Variants in CNTN3 observed in about 807,000 individuals in gnomAD.
CNTN3 encodes contactin-3.
A neutral mutation model predicts 119.1 loss-of-function variants in CNTN3; 60 were observed. That is an observed-to-expected ratio of 0.50 (90% CI 0.41 to 0.62). The LOEUF (loss-of-function observed/expected upper bound fraction) is 0.62. Among genes scored for constraint, CNTN3 ranks in the 20% least tolerant of loss-of-function variants. The pLI, the probability that CNTN3 is intolerant of heterozygous loss-of-function variation, is 0.00. For synonymous variants in CNTN3, 450 were observed against 438.7 expected (o/e 1.03, Z -0.32); for missense variants, 1,101 against 1,242.4 (o/e 0.89, Z 1.71).
chr3:74,320,952 A>G (rs1702974211), intron 13 of CNTN3, among the ~76,000 whole-genome samples: 1 of 152,128 alleles, frequency 6.6e-6, no homozygotes, highest in South Asian at 2.1e-4. Context: ...TTGAATTGAA[A>G]AAAAAAAAAG....
rs77116506 is a variant in CNTN3 at position 74,584,641 on chromosome 3, G to A, written c.-81+29750C>T. The stretch of plus-strand genomic sequence containing the variant: ...TTTCTTTATGTATTACCCAGACTTG[G>A]GTATTATATTTCCTTCAAAGCAATG... On this transcript the variant is annotated intron_variant, in intron 1 of 22. Coordinates refer to ENST00000263665, the MANE Select transcript of CNTN3 (RefSeq NM_020872.3). Among the ~76,000 whole-genome samples, 132 of 152,068 alleles carry A rather than the reference G, an allele frequency of 8.7e-4. 3 individuals carry two copies. In the East Asian group the frequency reaches 0.024, roughly 28 times the overall value.
In CNTN3 at chr3:74,364,252, T is replaced by C. The variant is rs890602562; in HGVS notation, c.1213+215A>G. Among the ~76,000 whole-genome samples, 3 of 152,112 alleles carry C rather than the reference T, an allele frequency of 2.0e-5. No homozygotes were observed. The South Asian group carries it at 6.2e-4, about 31-fold the overall frequency. On this transcript the variant is annotated intron_variant, in intron 10 of 22. Transcript: ENST00000263665. ...TATTTGATTCCTACTGTCGATTAAC[T>C]TAACCCTTGGTCCTCAATTCTGGCC...
Position 74,334,788 on chromosome 3 carries a change from C to T in CNTN3, c.1615G>A (p.Gly539Arg). The T allele has an allele frequency of 1.2e-6, 2 of 1,613,636 alleles. No individual in the cohort carries two copies. Among genetic ancestry groups the T allele is most frequent in the Non-Finnish European group, 1.7e-6 (2 of 1,179,720 alleles). The change falls in exon 13 of 23, where the codon GGG (glycine) becomes AGG (arginine). Residue 539 changes from glycine to arginine, a missense_variant. By Grantham distance (125) the Gly-to-Arg change is moderately radical (BLOSUM62 -2). Coordinates refer to ENST00000263665, the MANE Select transcript of CNTN3 (RefSeq NM_020872.3). ...TCTTTCTTAAAATCTGCAAGGGCCC[C>T]ATTGAAATACCAGGTAAAGATGATG... ...LDIIFTWYFN[G>R]ALADFKKDGS...
intron 5 of CNTN3, among the ~76,000 whole-genome samples, chr3:74,375,329 C>A (rs1425009324): frequency 6.6e-6 from 1 of 152,108 alleles, no homozygotes; most frequent in East Asian, 1.9e-4. Flanking sequence ...AGGATCTAGA[C>A]ACAAATGTTC....
intron 5 of CNTN3, among the ~76,000 whole-genome samples, chr3:74,398,744 C>G (rs528592146): frequency 6.6e-6 from 1 of 152,246 alleles, no homozygotes; most frequent in Non-Finnish European, 1.5e-5. Context: ...TACTATTAGC[C>G]AGGCCTTAAA....
At chr3:74,449,839 T>C (rs1385511036) in intron 4 of CNTN3, among the ~76,000 whole-genome samples, 1 of 152,104 alleles carries the variant, frequency 6.6e-6, no homozygotes, top group Non-Finnish European at 1.5e-5. Flanking sequence ...CACAGAAACT[T>C]TGCATTCACA....
chr3:74,291,983 G>A (rs554845803), intron 19 of CNTN3, among the ~76,000 whole-genome samples: 1 of 152,198 alleles, frequency 6.6e-6, no homozygotes, highest in East Asian at 1.9e-4. Context: ...GTCTGCCAAT[G>A]TCATTGGAAA....
chr3:74,571,158 C>T (rs1704327141), intron 1 of CNTN3, among the ~76,000 whole-genome samples: 1 of 152,158 alleles, frequency 6.6e-6, no homozygotes, highest in African/African-American at 2.4e-5. Context: ...CCCTAGGTTG[C>T]AGTACAAGTA....
intron 5 of CNTN3, among the ~76,000 whole-genome samples, chr3:74,395,488 T>C (rs1325147116): frequency 1.3e-5 from 2 of 152,104 alleles, no homozygotes; most frequent in African/African-American, 4.8e-5. Flanking sequence ...TTTACGATAG[T>C]GGCTAGTATT....
chr3:74,368,253 A>G (rs1447096895), intron 8 of CNTN3, among the ~76,000 whole-genome samples: 1 of 152,124 alleles, frequency 6.6e-6, no homozygotes, highest in African/African-American at 2.4e-5. Flanking sequence ...AAGACCTACA[A>G]TTTTAGTATT....
intron 1 of CNTN3, among the ~76,000 whole-genome samples, chr3:74,528,418 C>A (rs1421734549): frequency 2.0e-5 from 3 of 151,756 alleles, no homozygotes; most frequent in Non-Finnish European, 2.9e-5. Context: ...CATTATGTGC[C>A]AGGCACATTT....
At chr3:74,411,461 T>A (rs936038106) in intron 5 of CNTN3, among the ~76,000 whole-genome samples, 3 of 152,168 alleles carry the variant, frequency 2.0e-5, no homozygotes, top group African/African-American at 7.2e-5. Flanking sequence ...AAATGTTGCA[T>A]GCTGGATTAT....
At chr3:74,396,816 G>C (rs998272312) in intron 5 of CNTN3, among the ~76,000 whole-genome samples, 1 of 151,144 alleles carries the variant, frequency 6.6e-6, no homozygotes, top group Admixed American at 6.6e-5. Context: ...AGCTAGCAGA[G>C]GTTTATGAGG....
intron 5 of CNTN3, among the ~76,000 whole-genome samples, chr3:74,412,286 GGC>G (rs1447441366): frequency 1.3e-5 from 2 of 152,132 alleles, no homozygotes; most frequent in Non-Finnish European, 2.9e-5. Context: ...TCACTTTGGG[GGC>G]ATAAAACATT....
intron 5 of CNTN3, among the ~76,000 whole-genome samples, chr3:74,390,369 CTTTT>C (rs34399433): frequency 8.1e-6 from 1 of 123,276 alleles, no homozygotes; most frequent in Admixed American, 8.1e-5. Flanking sequence ...TGAGAGTATG[CTTTT>C]TTTTTTTTTT....
intron 1 of CNTN3, among the ~76,000 whole-genome samples, chr3:74,612,747 A>C (rs2106721240): frequency 6.6e-6 from 1 of 152,262 alleles, no homozygotes; most frequent in Non-Finnish European, 1.5e-5. Context: ...TTTACTCTCA[A>C]CTAATTTCAA....
intron 2 of CNTN3, among the ~76,000 whole-genome samples, chr3:74,502,789 T>C (rs1703188234): frequency 6.6e-6 from 1 of 152,110 alleles, no homozygotes; most frequent in South Asian, 2.1e-4. Flanking sequence ...CCAAAGTCAT[T>C]ATACACCCTT....
chr3:74,408,631 A>G (rs1471076865), intron 5 of CNTN3, among the ~76,000 whole-genome samples: 2 of 152,130 alleles, frequency 1.3e-5, no homozygotes, highest in Non-Finnish European at 2.9e-5. Flanking sequence ...TCATCTCCCA[A>G]TTTACGGCAG....
At chr3:74,431,316 TG>T (rs1701779972) in intron 4 of CNTN3, among the ~76,000 whole-genome samples, 1 of 152,112 alleles carries the variant, frequency 6.6e-6, no homozygotes, top group Non-Finnish European at 1.5e-5. Flanking sequence ...ATATTGTTGG[TG>T]TTGGTTTCTC....
Sources: allele counts gnomAD v4.1 joint callset (sites outside exome capture counted in the v4.1 genomes callset), GRCh38; gene constraint gnomAD v4.1.1; transcripts MANE v1.5; gene names NCBI Gene and HGNC (gene_info 2026-07-23, HGNC 2026-07-21).